The following IFI44L variants were observed in gnomAD, a reference collection of about 807,000 sequenced individuals.
IFI44L encodes the protein interferon-induced protein 44-like.
IFI44L carries 40 observed loss-of-function variants against 39.3 expected under a neutral mutation model. The observed-to-expected ratio is 1.02, with a 90% confidence interval of 0.79 to 1.33. IFI44L has a LOEUF of 1.33. Among genes scored for constraint, IFI44L ranks in the 40% most tolerant of loss-of-function variants. IFI44L has a pLI of 0.00. For synonymous variants in IFI44L, 198 were observed against 182.3 expected (o/e 1.09, Z -0.69); for missense variants, 623 against 549.0 (o/e 1.13, Z -1.35).
chr1:78,632,871 CT>C (rs1652805430), intron 4 of IFI44L, among the ~76,000 whole-genome samples: 1 of 152,010 alleles, frequency 6.6e-6, no homozygotes, highest in Non-Finnish European at 1.5e-5. Flanking sequence ...TAAAAAAATG[CT>C]TTTTAAGTAA....
chr1:78,630,255 C>G (rs1652699946), intron 4 of IFI44L: 1 of 177,178 alleles, frequency 5.6e-6, no homozygotes, highest in Non-Finnish European at 1.2e-5. Context: ...AAATGTTTTT[C>G]TTTTTTTGTA....
intron 4 of IFI44L, among the ~76,000 whole-genome samples, chr1:78,632,330 C>T (rs778785823): frequency 6.6e-6 from 1 of 152,168 alleles, no homozygotes; most frequent in Non-Finnish European, 1.5e-5. Context: ...ATTCACTATT[C>T]TGAGCCTGAC....
At chr1:78,639,761 T>C (rs1307067771) in intron 6 of IFI44L, among the ~76,000 whole-genome samples, 3 of 152,074 alleles carry the variant, frequency 2.0e-5, no homozygotes, top group African/African-American at 7.2e-5. Flanking sequence ...TCCAAAAGAT[T>C]TTAATATAAA....
intron 1 of IFI44L, among the ~76,000 whole-genome samples, chr1:78,623,403 T>G (rs12130804): frequency 0.23 from 4,511 of 19,912 alleles, 285 homozygotes; most frequent in East Asian, 0.57. Context: ...TTTGTTTTTT[T>G]TTTTTTTTTT....
intron 1 of IFI44L, among the ~76,000 whole-genome samples, chr1:78,623,748 G>T (rs1173027366): frequency 1.3e-5 from 2 of 152,098 alleles, no homozygotes; most frequent in Non-Finnish European, 2.9e-5. Flanking sequence ...GGAACTGAGA[G>T]AGCTGGAGGT....
rs1025937908 is a variant in IFI44L, at chr1:78,643,137, A to T, written c.*1328A>T. On this transcript the variant is annotated 3_prime_UTR_variant, in exon 9 of 9. Coordinates refer to ENST00000370751, the MANE Select transcript of IFI44L (RefSeq NM_006820.4). ...ATACTCATCTTTTGGGTAGTCATAG[A>T]TATTAAGAAAGCAAGAGTTTCTTAT... 9 of 152,064 alleles carry T rather than the reference A, an allele frequency of 5.9e-5. No homozygotes were observed. The highest frequency in any genetic ancestry group is 2.2e-4 in the African/African-American group (9 of 41,442). 9.4% of individuals were successfully genotyped at this position (152,064 alleles called of 1,614,324 possible). A position where few individuals can be genotyped will look rare whatever the true frequency, so the allele number is the denominator to read the frequency against.
intron 6 of IFI44L, among the ~76,000 whole-genome samples, chr1:78,639,559 AC>A (rs567723388): frequency 1.1e-3 from 160 of 152,078 alleles, no homozygotes; most frequent in African/African-American, 3.7e-3. Context: ...TAAAAAGAAA[AC>A]CTAGAGAGCT....
At chr1:78,635,026 GTATA>G (rs61477116) in intron 4 of IFI44L, among the ~76,000 whole-genome samples, 60,492 of 147,842 alleles carry the variant, frequency 0.41, 12,909 homozygotes, top group East Asian at 0.83. Flanking sequence ...GTGTGTATGT[GTATA>G]TATATATATA....
Position 78,635,452 on chromosome 1 carries a change from C to T in IFI44L, c.839C>T (p.Pro280Leu), listed in dbSNP as rs1570362957. Residue 280 changes from proline to leucine, a missense_variant, in exon 5 of 9, where the codon CCC (proline) becomes CTC (leucine). Coordinates refer to ENST00000370751, the MANE Select transcript of IFI44L (RefSeq NM_006820.4). ...EGAGLCMDDI[P>L]HILKGCMPDR... ...GCAGGACTGTGCATGGATGACATTC[C>T]CCACATCTTAAAAGGTTGTATGCCA... 4 of 1,613,298 alleles carry T rather than the reference C, an allele frequency of 2.5e-6. No homozygotes were observed. The East Asian group carries it at 8.9e-5, about 36-fold the overall frequency.
At chr1:78,639,093 G>A (rs192547013) in intron 6 of IFI44L, among the ~76,000 whole-genome samples, 21 of 152,102 alleles carry the variant, frequency 1.4e-4, no homozygotes, top group Admixed American at 1.2e-3. Context: ...TCCTTGCATC[G>A]AAGGTTAATG....
At chr1:78,635,261 C>A in intron 4 of IFI44L, 76 bp from the exon 5 acceptor site, 2 of 1,198,004 alleles carry the variant, frequency 1.7e-6, no homozygotes, top group Non-Finnish European at 2.4e-6. Flanking sequence ...ATTAACCAAT[C>A]TCTTTTCTTC....
intron 8 of IFI44L, 81 bp downstream of exon 8, chr1:78,641,690 G>A: frequency 6.2e-7 from 1 of 1,604,768 alleles, no homozygotes; most frequent in East Asian, 2.2e-5. Context: ...GTTATTAGAT[G>A]ACTGGGGCCC....
At chr1:78,633,459 C>T (rs557907072) in intron 4 of IFI44L, among the ~76,000 whole-genome samples, 76 of 152,302 alleles carry the variant, frequency 5.0e-4, no homozygotes, top group African/African-American at 1.5e-3. Flanking sequence ...CTTAGTGACA[C>T]GGATGCCGCA....
At chr1:78,623,144 A>T (rs1048336156) in intron 1 of IFI44L, among the ~76,000 whole-genome samples, 1 of 152,176 alleles carries the variant, frequency 6.6e-6, no homozygotes, top group African/African-American at 2.4e-5. Context: ...AGAGATGATT[A>T]TACTTCCTTT....
chr1:78,640,893 T>A lies in IFI44L; in HGVS notation c.1049-128T>A, dbSNP rs1350060874. The A allele has an allele frequency of 1.9e-5, 11 of 582,514 alleles. No homozygotes were observed. In the East Asian group the frequency reaches 3.1e-4, roughly 17 times the overall value. 36.1% of individuals were successfully genotyped at this position (582,514 alleles called of 1,614,324 possible). ...AAAAGCTTCAGGCTCCATATTGAGA[T>A]GTATTGGGGATATTTCATTCTTCAG... On this transcript the variant is annotated intron_variant, in intron 6 of 8. Coordinates refer to ENST00000370751, the MANE Select transcript of IFI44L (RefSeq NM_006820.4).
rs1331228433 is a variant in IFI44L at position 78,642,554 on chromosome 1, G to A, written c.*745G>A. ...ACTGTACTCTAGCCAGGGAGAAAGA[G>A]TGAGATCCTGGCTCAAAAAAACCAA... On this transcript the variant is annotated 3_prime_UTR_variant, in exon 9 of 9. Coordinates refer to ENST00000370751, the MANE Select transcript of IFI44L (RefSeq NM_006820.4). The A allele has an allele frequency of 6.6e-6, 1 of 151,802 alleles. No individual in the cohort carries two copies. Among genetic ancestry groups the A allele is most frequent in the Admixed American group, 6.6e-5 (1 of 15,230 alleles). The allele number at this position is 151,802 out of a possible 1,614,324, so 9.4% of individuals were successfully genotyped here.
chr1:78,637,230 A>C (rs1476672873), intron 6 of IFI44L, 27 bp downstream of exon 6: 1 of 1,526,134 alleles, frequency 6.6e-7, no homozygotes, highest in Non-Finnish European at 8.9e-7. Context: ...TTATAAAAAA[A>C]TTTACTTTGA....
At chr1:78,628,825 C>T (rs1429706711) in intron 2 of IFI44L, 126 bp from the exon 3 acceptor site, 2 of 638,930 alleles carry the variant, frequency 3.1e-6, no homozygotes, top group Admixed American at 5.8e-5. Context: ...CCAACTCTGA[C>T]TCCTAACTGA....
chr1:78,638,726 T>C (rs1653042469), intron 6 of IFI44L, among the ~76,000 whole-genome samples: 1 of 152,116 alleles, frequency 6.6e-6, no homozygotes, highest in African/African-American at 2.4e-5. Flanking sequence ...GTTTCAAGAA[T>C]GTTCCTACTT....
Sources: gnomAD v4.1 joint callset for allele counts (sites outside exome capture counted in the v4.1 genomes callset) on GRCh38, gnomAD v4.1.1 for gene constraint, MANE v1.5 for transcripts, NCBI Gene and HGNC (gene_info 2026-07-23, HGNC 2026-07-21) for gene names.